The following EPB41L3 variants were observed in gnomAD, a reference collection of about 807,000 sequenced individuals.
EPB41L3 encodes the protein band 4.1-like protein 3.
In EPB41L3, 57 loss-of-function variants were observed where a neutral mutation model predicts 127.1. That is an observed-to-expected ratio of 0.45 (90% CI 0.36 to 0.56). The LOEUF is 0.56. EPB41L3 is among the 20% of genes least tolerant of loss of function. EPB41L3 has a pLI of 0.00. For synonymous variants in EPB41L3, 572 were observed against 549.5 expected (o/e 1.04, Z -0.57); for missense variants, 1,273 against 1,372.2 (o/e 0.93, Z 1.14).
intron 3 of EPB41L3, among the ~76,000 whole-genome samples, chr18:5,555,597 C>T (rs995815143): frequency 6.6e-6 from 1 of 152,168 alleles, no homozygotes; most frequent in Non-Finnish European, 1.5e-5. Flanking sequence ...CTCTCCCAAA[C>T]CCTCTTGTCA....
At chr18:5,610,004 C>A in intron 3 of EPB41L3, 1 of 684,280 alleles carries the variant, frequency 1.5e-6, no homozygotes, top group Non-Finnish European at 1.8e-6. Context: ...AGGACTGAGT[C>A]TAACTGGAGG....
chr18:5,412,977 A>T (rs2076385922), intron 13 of EPB41L3, among the ~76,000 whole-genome samples: 1 of 152,076 alleles, frequency 6.6e-6, no homozygotes, highest in Admixed American at 6.6e-5. Flanking sequence ...TTGAATTCCT[A>T]CTTAGCATTT....
At chr18:5,603,506 A>C (rs2094611840) in intron 3 of EPB41L3, among the ~76,000 whole-genome samples, 1 of 152,196 alleles carries the variant, frequency 6.6e-6, no homozygotes, top group Admixed American at 6.6e-5. Flanking sequence ...AGGAAGAGTG[A>C]TAATTCTGAT....
chr18:5,430,677 C>T (rs190849314), intron 8 of EPB41L3, among the ~76,000 whole-genome samples: 174 of 151,832 alleles, frequency 1.1e-3, no homozygotes, highest in Non-Finnish European at 2.0e-3. Context: ...AACCCTCCTC[C>T]CTCAGCCTCC....
intron 1 of EPB41L3, among the ~76,000 whole-genome samples, chr18:5,624,769 G>A (rs1462260045): frequency 7.9e-5 from 12 of 152,188 alleles, no homozygotes; most frequent in Non-Finnish European, 1.6e-4. Context: ...AGGTGAATAG[G>A]ATGAAGTCAC....
At chr18:5,481,706 C>T (rs1382015152) in intron 2 of EPB41L3, among the ~76,000 whole-genome samples, 1 of 152,212 alleles carries the variant, frequency 6.6e-6, no homozygotes, top group Non-Finnish European at 1.5e-5. Context: ...TGTTCAGCAG[C>T]ACCACACTGG....
chr18:5,630,002 G>A (rs2094974184), upstream of EPB41L3, among the ~76,000 whole-genome samples: 1 of 152,204 alleles, frequency 6.6e-6, no homozygotes, highest in Non-Finnish European at 1.5e-5. Context: ...CCGAGGAACC[G>A]AAGACTGGTG....
intron 3 of EPB41L3, among the ~76,000 whole-genome samples, chr18:5,446,348 G>GA (rs1011342299): frequency 2.0e-5 from 3 of 151,656 alleles, no homozygotes; most frequent in Admixed American, 2.0e-4. Context: ...TGGTCATTTG[G>GA]AAAAAAAATT....
At chr18:5,510,989 C>T (rs183290313) in intron 1 of EPB41L3, among the ~76,000 whole-genome samples, 7 of 152,126 alleles carry the variant, frequency 4.6e-5, no homozygotes, top group Non-Finnish European at 8.8e-5. Flanking sequence ...AATAACTACA[C>T]GGTACCTGTG....
chr18:5,607,890 A>G (rs1469798293), intron 3 of EPB41L3, among the ~76,000 whole-genome samples: 2 of 145,114 alleles, frequency 1.4e-5, no homozygotes, highest in East Asian at 1.9e-4. Context: ...CCAAAATTCT[A>G]CCTTTGAAGG....
chr18:5,605,547 G>GTTTAT (rs1276671403), intron 3 of EPB41L3, among the ~76,000 whole-genome samples: 1 of 151,996 alleles, frequency 6.6e-6, no homozygotes, highest in East Asian at 1.9e-4. Flanking sequence ...CCTGGCTGAT[G>GTTTAT]TTTATTTTAT....
chr18:5,438,272 G>T (rs886106588), intron 5 of EPB41L3, among the ~76,000 whole-genome samples, 162 bp from the exon 6 acceptor site: 4 of 152,174 alleles, frequency 2.6e-5, no homozygotes, highest in African/African-American at 9.7e-5. Context: ...AGATAAGTCT[G>T]AAACCTTGTC....
intron 3 of EPB41L3, 26 bp from the exon 4 acceptor site, chr18:5,445,270 A>T (rs2081311594): frequency 6.4e-7 from 1 of 1,553,392 alleles, no homozygotes; most frequent in African/African-American, 1.4e-5. Flanking sequence ...TAGCAAAGCA[A>T]GTCAATACAA....
At chr18:5,474,466 C>G (rs931321116) in intron 3 of EPB41L3, among the ~76,000 whole-genome samples, 16 of 151,954 alleles carry the variant, frequency 1.1e-4, no homozygotes, top group African/African-American at 3.9e-4. Flanking sequence ...TGTGTGTGCA[C>G]ATGTGTGTGT....
intron 1 of EPB41L3, among the ~76,000 whole-genome samples, chr18:5,624,339 T>C (rs1317216991): frequency 6.6e-6 from 1 of 152,228 alleles, no homozygotes; most frequent in Admixed American, 6.5e-5. Context: ...ATGGGCATCT[T>C]GCCCAGCATA....
At chr18:5,451,619 C>A (rs560027715) in intron 3 of EPB41L3, among the ~76,000 whole-genome samples, 1 of 152,226 alleles carries the variant, frequency 6.6e-6, no homozygotes, top group Non-Finnish European at 1.5e-5. Context: ...TTTCACAGGG[C>A]CTCTTTCTTT....
In EPB41L3 at chr18:5,396,273, C is replaced by T. The variant is rs145344390; in HGVS notation, c.2901G>A (p.Lys967=). The change falls in exon 19 of 23, where the codon AAG becomes AAA. Residue 967 remains lysine, a synonymous_variant. Coordinates refer to ENST00000341928, the MANE Select transcript of EPB41L3 (RefSeq NM_012307.5). The part of the protein sequence containing the change: ...SFGSVSPGGV[K]LEISTKEVPV... ...GCACTTCCTTCGTGGAAATTTCTAGCTTTACTCCTCCCGGTGAAACACTGC... is the reference window on the plus strand; with the variant it reads ...GCACTTCCTTCGTGGAAATTTCTAGTTTTACTCCTCCCGGTGAAACACTGC... 6.2e-7 allele frequency: 1 copy of T among 1,614,228 alleles called. No individual in the cohort carries two copies. The highest frequency in any genetic ancestry group is 8.5e-7 in the Non-Finnish European group (1 of 1,180,024).
At position 5,576,181 on chromosome 18, in the gene EPB41L3, A is replaced by G. The variant is rs560672764; in HGVS notation, c.-306+36159T>C. ...AAGTTTCTAGAATTATCGAAAAATTAGACATTTAAAGGAAAATTAGACACT... is the reference window on the plus strand; with the variant it reads ...AAGTTTCTAGAATTATCGAAAAATTGGACATTTAAAGGAAAATTAGACACT... On this transcript the variant is annotated intron_variant, in intron 3 of 21. Transcript: ENST00000545076. Among the ~76,000 whole-genome samples, 21 of 152,372 alleles carry G rather than the reference A, an allele frequency of 1.4e-4. 2 individuals are homozygous for G. The South Asian group carries it at 4.1e-3, about 30-fold the overall frequency.
intron 1 of EPB41L3, among the ~76,000 whole-genome samples, chr18:5,515,780 A>T (rs1242119347): frequency 3.9e-5 from 6 of 152,208 alleles, no homozygotes. Flanking sequence ...ATGAAGTCTG[A>T]TTTTTAGAAA....
Sources: gnomAD v4.1 joint callset for allele counts (sites outside exome capture counted in the v4.1 genomes callset) on GRCh38, gnomAD v4.1.1 for gene constraint, MANE v1.5 for transcripts, NCBI Gene and HGNC (gene_info 2026-07-23, HGNC 2026-07-21) for gene names.